Variants in TAP1 observed in about 807,000 individuals in gnomAD.
The protein encoded by TAP1 is transporter 1, ATP binding cassette subfamily B member, also known as antigen peptide transporter 1.
Under a neutral mutation model 79.3 loss-of-function variants are expected in TAP1, and 56 were observed. The ratio of observed to expected loss-of-function variants is 0.71; its 90% CI spans 0.57 to 0.88. TAP1 has a LOEUF of 0.88. TAP1 is among the 40% of genes least tolerant of loss of function. The pLI is 0.00. For synonymous variants in TAP1, 355 were observed against 401.4 expected (o/e 0.88, Z 1.38); for missense variants, 737 against 936.3 (o/e 0.79, Z 2.78).
In TAP1 at chr6:32,850,238, G is replaced by A. The variant is rs573316595; in HGVS notation, c.1248+82C>T. ...CCAACCATTTCCCAGTAAAGGAGGA[G>A]TGGGAGCAGGGTCATAGGAATGGGA... On this transcript the variant is annotated intron_variant, in intron 5 of 10. Coordinates refer to ENST00000354258, the MANE Select transcript of TAP1 (RefSeq NM_000593.6). This position sits in a 1 kb window ranked among gnomAD's most constrained non-coding sequence, Gnocchi z 5.5. 140 of 1,455,276 alleles carry A rather than the reference G, an allele frequency of 9.6e-5. No homozygotes were observed. In the African/African-American group the frequency reaches 1.7e-3, roughly 18 times the overall value. The allele number at this position is 1,455,276 out of a possible 1,614,324, so 90.1% of individuals were successfully genotyped here.
In TAP1 at chr6:32,853,106, T is replaced by C; in HGVS notation, c.531A>G (p.Leu177=). 6.2e-7 allele frequency: 1 copy of C among 1,612,564 alleles called. No homozygotes were observed. The highest frequency in any genetic ancestry group is 8.5e-7 in the Non-Finnish European group (1 of 1,179,934). Residue 177 remains leucine, a synonymous_variant, in exon 1 of 11, where the codon CTA becomes CTG. Transcript: ENST00000354258. The surrounding 1 kb of genome is among the most constrained non-coding windows in gnomAD (Gnocchi z 8.3). ...GGSGNPVRRL[L]GCLGSETRRL... ...GGCGCGTCTCCGAGCCCAGGCAGCC[T>C]AGAAGCCGACGCACAGGGTTTCCAG...
chr6:32,846,669 G>A (rs750374164), intron 10 of TAP1, among the ~76,000 whole-genome samples: 12 of 151,762 alleles, frequency 7.9e-5, no homozygotes, highest in Admixed American at 1.3e-4. Context: ...AAATATAAAA[G>A]TCAACCAGGC....
In TAP1 at chr6:32,847,128, T is replaced by C; in HGVS notation, c.1980A>G (p.Lys660=). 1 of 1,612,948 alleles carries C rather than the reference T, an allele frequency of 6.2e-7. No homozygotes were observed. Among genetic ancestry groups the C allele is most frequent in the Non-Finnish European group, 8.5e-7 (1 of 1,180,022 alleles). The change falls in exon 10 of 11, where the codon AAA becomes AAG. Residue 660 remains lysine, a synonymous_variant. Transcript: ENST00000354258. This position sits in a 1 kb window ranked among gnomAD's most constrained non-coding sequence, Gnocchi z 4.7. ...AVALARALIR[K]PCVLILDDAT... Reference sequence around the variant, plus strand: ...CATCATCCAGGATAAGTACACACGGTTTCCGGATCAATGCTCGGGCCAACG... The same window carrying C: ...CATCATCCAGGATAAGTACACACGGCTTCCGGATCAATGCTCGGGCCAACG...
At position 32,852,793 on chromosome 6, in the gene TAP1, A is replaced by G. The variant is rs1232582651; in HGVS notation, c.598+246T>C. 3 of 1,440,046 alleles carry G rather than the reference A, an allele frequency of 2.1e-6. No individual in the cohort carries two copies. The African/African-American group carries it at 4.3e-5, about 21-fold the overall frequency. 89.2% of individuals were successfully genotyped at this position (1,440,046 alleles called of 1,614,324 possible). Reference sequence around the variant, plus strand: ...CCGCCCTTCGGCCCCAGAGCAAAGGATTTCCCCGCTTCCGGCGTGGCCCAA... The same window carrying G: ...CCGCCCTTCGGCCCCAGAGCAAAGGGTTTCCCCGCTTCCGGCGTGGCCCAA... On this transcript the variant is annotated intron_variant, in intron 1 of 10. Transcript: ENST00000354258. The surrounding 1 kb of genome is among the most constrained non-coding windows in gnomAD (Gnocchi z 4.8).
intron 5 of TAP1, chr6:32,849,338 C>T: frequency 1.6e-6 from 1 of 628,064 alleles, no homozygotes; most frequent in Non-Finnish European, 2.8e-6. Flanking sequence ...ACCACTATCA[C>T]CTTGTCTGGG....
chr6:32,851,019 C>T lies in TAP1; in HGVS notation c.975G>A (p.Val325=), dbSNP rs1251660358. The change falls in exon 4 of 11, where the codon GTG becomes GTA. Residue 325 remains valine (V), a synonymous_variant. Transcript: ENST00000354258. This position sits in a 1 kb window ranked among gnomAD's most constrained non-coding sequence, Gnocchi z 4.8. ...CLLGIMLWGS[V]SLTMVTLITL... ...TGATCAGGGTGACCATGGTGAGGGACACTGATCCCCAGAGCATGATCCCCA... is the reference window on the plus strand; with the variant it reads ...TGATCAGGGTGACCATGGTGAGGGATACTGATCCCCAGAGCATGATCCCCA... 1 of 1,612,866 alleles carries T rather than the reference C, an allele frequency of 6.2e-7. No individual in the cohort carries two copies. The highest frequency in any genetic ancestry group is 8.5e-7 in the Non-Finnish European group (1 of 1,180,008).
chr6:32,853,445 G>C lies in TAP1; in HGVS notation c.192C>G (p.Arg64=), dbSNP rs761415570. ...LLRVWAVGLS[R]WAVLWLGACG... ...AGGCCCCCAGCCAGAGCACGGCCCA[G>C]CGGCTCAGGCCCACCGCCCAGACCC... Residue 64 remains arginine, a synonymous_variant, in exon 1 of 11, where the codon CGC becomes CGG. Transcript: ENST00000354258. This position sits in a 1 kb window ranked among gnomAD's most constrained non-coding sequence, Gnocchi z 8.3. 13 of 1,611,868 alleles carry C rather than the reference G, an allele frequency of 8.1e-6. No homozygotes were observed. Among genetic ancestry groups the C allele is most frequent in the Non-Finnish European group, 1.0e-5 (12 of 1,179,596 alleles).
In TAP1 at chr6:32,850,343, C is replaced by T; in HGVS notation, c.1225G>A (p.Ala409Thr). 3 of 1,614,268 alleles carry T rather than the reference C, an allele frequency of 1.9e-6. No individual in the cohort carries two copies. The highest frequency in any genetic ancestry group is 1.7e-6 in the Non-Finnish European group (2 of 1,180,046). ...ACACTAGTGGTCCAGGAGTTGACTGCATAGGCCACAGCCTCCTTCTGGTTG... is the reference window on the plus strand; with the variant it reads ...ACACTAGTGGTCCAGGAGTTGACTGTATAGGCCACAGCCTCCTTCTGGTTG... ...TLNQKEAVAY[A>T]VNSWTTSISG... Residue 409 changes from alanine to threonine, a missense_variant, in exon 5 of 11, where the codon GCA (alanine) becomes ACA (threonine). By Grantham distance (58) the Ala-to-Thr change is moderately conservative (BLOSUM62 0). Coordinates refer to ENST00000354258, the MANE Select transcript of TAP1 (RefSeq NM_000593.6). The surrounding 1 kb of genome is among the most constrained non-coding windows in gnomAD (Gnocchi z 5.5).
intron 7 of TAP1, 143 bp downstream of exon 7, chr6:32,848,509 T>C (rs1235715486): frequency 1.0e-6 from 1 of 991,394 alleles, no homozygotes; most frequent in Non-Finnish European, 1.6e-6. Flanking sequence ...GGAAGATTTA[T>C]GGAACAGATG....
At chr6:32,849,184 G>A in intron 5 of TAP1, 66 bp from the exon 6 acceptor site, 1 of 1,539,194 alleles carries the variant, frequency 6.5e-7, no homozygotes, top group Non-Finnish European at 8.8e-7. Context: ...AAGAACCGCA[G>A]TCATTAACCT....
chr6:32,852,931 C>G lies in TAP1; in HGVS notation c.598+108G>C, dbSNP rs1770882303. 4.0e-6 allele frequency: 6 copies of G among 1,497,122 alleles called. No individual in the cohort carries two copies. Among genetic ancestry groups the G allele is most frequent in the Non-Finnish European group, 5.3e-6 (6 of 1,123,822 alleles). 92.7% of individuals were successfully genotyped at this position (1,497,122 alleles called of 1,614,324 possible). ...AAGACCCACGCTAGGAGTCCTTCTC[C>G]TGCTCCACATTTCCCAGAACCCACG... On this transcript the variant is annotated intron_variant, in intron 1 of 10. Transcript: ENST00000354258. This position sits in a 1 kb window ranked among gnomAD's most constrained non-coding sequence, Gnocchi z 4.8.
chr6:32,852,055 T>C lies in TAP1; in HGVS notation c.844+54A>G. The C allele has an allele frequency of 1.2e-6, 2 of 1,611,358 alleles. No homozygotes were observed. Among genetic ancestry groups the C allele is most frequent in the East Asian group, 2.2e-5 (1 of 44,864 alleles). On this transcript the variant is annotated intron_variant, in intron 3 of 10. Coordinates refer to ENST00000354258, the MANE Select transcript of TAP1 (RefSeq NM_000593.6). The surrounding 1 kb of genome is among the most constrained non-coding windows in gnomAD (Gnocchi z 4.8). ...CGGGGAGGGGGGAGATCAAAGCAGA[T>C]GTATGAGGATATGAACAGTACATGG...
chr6:32,853,334 CG>C lies in TAP1; in HGVS notation c.302del (p.Ala101GlyfsTer16), dbSNP rs1562375957. The C allele has an allele frequency of 6.3e-7, 1 of 1,581,962 alleles. No individual in the cohort carries two copies. The highest frequency in any genetic ancestry group is 2.3e-5 in the East Asian group (1 of 43,378). ...GTCCCGGCAGGGCCAAGCCCAGTGC[CG>C]CAGCTAATGGCTTCAAAGCAGCCAG... Reference protein sequence around the residue: ...GWLAALKPLAAALGLALPGLA... With the variant: ...GWLAALKPLAXALGLALPGLA... On this transcript the variant is annotated frameshift_variant, in exon 1 of 11. Coordinates refer to ENST00000354258, the MANE Select transcript of TAP1 (RefSeq NM_000593.6). LOFTEE classifies it high-confidence loss of function. The surrounding 1 kb of genome is among the most constrained non-coding windows in gnomAD (Gnocchi z 8.3).
chr6:32,853,529 G>A lies in TAP1; in HGVS notation c.108C>T (p.Leu36=). The change falls in exon 1 of 11, where the codon CTC becomes CTT. Residue 36 remains leucine, a synonymous_variant. Transcript: ENST00000354258. The surrounding 1 kb of genome is among the most constrained non-coding windows in gnomAD (Gnocchi z 8.3). ...AGAATATGCGGGGCAGCGCGGTCCG[G>A]AGCAGCACCCAGTCGGCGAGAAGTA... The part of the protein sequence containing the change: ...VLLLLADWVL[L]RTALPRIFSL... 1 of 1,610,378 alleles carries A rather than the reference G, an allele frequency of 6.2e-7. No individual in the cohort carries two copies.
Position 32,852,747 on chromosome 6 carries a change from C to T in TAP1, c.599-245G>A. ...TGGAGATCATGAAGTAGAAAAGCCT[C>T]CTGTTAGAGATGAGGATGCCCCGCC... On this transcript the variant is annotated intron_variant, in intron 1 of 10. Coordinates refer to ENST00000354258, the MANE Select transcript of TAP1 (RefSeq NM_000593.6). This position sits in a 1 kb window ranked among gnomAD's most constrained non-coding sequence, Gnocchi z 4.8. 1 of 1,444,864 alleles carries T rather than the reference C, an allele frequency of 6.9e-7. No individual in the cohort carries two copies. Among genetic ancestry groups the T allele is most frequent in the Non-Finnish European group, 9.0e-7 (1 of 1,106,994 alleles). The allele number at this position is 1,444,864 out of a possible 1,614,324, so 89.5% of individuals were successfully genotyped here. A position where few individuals can be genotyped will look rare whatever the true frequency, so the allele number is the denominator to read the frequency against.
chr6:32,847,738 T>A lies in TAP1; in HGVS notation c.1741-63A>T, dbSNP rs1464094746. ...ACATGGGAGTATGGTTATCTAGAGA[T>A]CGAAGACTCAAAATCTTTATTGAGA... is the stretch of plus-strand genomic sequence containing the variant. On this transcript the variant is annotated intron_variant, in intron 8 of 10. Coordinates refer to ENST00000354258, the MANE Select transcript of TAP1 (RefSeq NM_000593.6). The surrounding 1 kb of genome is among the most constrained non-coding windows in gnomAD (Gnocchi z 4.7). 1.3e-6 allele frequency: 2 copies of A among 1,597,470 alleles called. No homozygotes were observed. Among genetic ancestry groups the A allele is most frequent in the Non-Finnish European group, 1.7e-6 (2 of 1,166,630 alleles).
At chr6:32,848,551 G>A (rs1228056004) in intron 7 of TAP1, 101 bp downstream of exon 7, 1 of 1,265,946 alleles carries the variant, frequency 7.9e-7, no homozygotes, top group Non-Finnish European at 1.2e-6. Context: ...GGGTTAGGGA[G>A]GATATATGCT....
Position 32,851,244 on chromosome 6 carries a change from T to A in TAP1, c.845-95A>T. ...AGCCAGGATGCCAGGGTCAGGGGTG[T>A]CAACATGGGGTTCTAAGGAGGCTGC... is the stretch of plus-strand genomic sequence containing the variant. On this transcript the variant is annotated intron_variant, in intron 3 of 10. Coordinates refer to ENST00000354258, the MANE Select transcript of TAP1 (RefSeq NM_000593.6). This position sits in a 1 kb window ranked among gnomAD's most constrained non-coding sequence, Gnocchi z 4.8. 1 of 1,236,032 alleles carries A rather than the reference T, an allele frequency of 8.1e-7. No homozygotes were observed. The highest frequency in any genetic ancestry group is 1.2e-6 in the Non-Finnish European group (1 of 859,638). The allele number at this position is 1,236,032 out of a possible 1,614,324, so 76.6% of individuals were successfully genotyped here.
chr6:32,850,436 G>A lies in TAP1; in HGVS notation c.1132C>T (p.Arg378Ter), dbSNP rs143800384. 27 of 1,614,166 alleles carry A rather than the reference G, an allele frequency of 1.7e-5. No individual in the cohort carries two copies. The highest frequency in any genetic ancestry group is 3.3e-5 in the South Asian group (3 of 91,080). ...IEALSAMPTV[R>*]SFANEEGEAQ... is the part of the protein sequence containing the mutation. ...TCGCCCTCCTCGTTGGCAAAGCTTC[G>A]AACTGTAGGCATGGCCGACAGAGCC... Residue 378 changes from arginine (R) to a stop codon, truncating the protein, a stop_gained, in exon 5 of 11, where the codon CGA becomes TGA. Transcript: ENST00000354258. LOFTEE classifies it high-confidence loss of function. This position sits in a 1 kb window ranked among gnomAD's most constrained non-coding sequence, Gnocchi z 5.5.
Sources: allele counts gnomAD v4.1 joint callset (sites outside exome capture counted in the v4.1 genomes callset), GRCh38; gene constraint gnomAD v4.1.1; non-coding constraint Gnocchi (gnomAD v3.1); transcripts MANE v1.5; gene names NCBI Gene and HGNC (gene_info 2026-07-23, HGNC 2026-07-21).